The following PARD3 variants were observed in gnomAD, a reference collection of about 807,000 sequenced individuals.
The protein encoded by PARD3 is par-3 family cell polarity regulator, also known as partitioning defective 3 homolog.
Under a neutral mutation model 155.4 loss-of-function variants are expected in PARD3, and 75 were observed. That is an observed-to-expected ratio of 0.48 (90% CI 0.40 to 0.58). PARD3 has a LOEUF of 0.58. Ranked by LOEUF, PARD3 falls within the 20% of genes least tolerant of loss-of-function variation. PARD3 has a pLI of 0.00. For missense variants in PARD3, 1,642 were observed against 1,721.7 expected (o/e 0.95, Z 0.82); for synonymous variants, 576 against 610.5 (o/e 0.94, Z 0.83).
At chr10:34,556,453 G>A (rs142654406) in intron 2 of PARD3, among the ~76,000 whole-genome samples, 90 of 149,160 alleles carry the variant, frequency 6.0e-4, no homozygotes, top group African/African-American at 2.1e-3. Context: ...CGAGATCTCC[G>A]CTCACTGCAA....
chr10:34,572,640 C>CAAA (rs1197487501), intron 2 of PARD3, among the ~76,000 whole-genome samples: 1 of 69,638 alleles, frequency 1.4e-5, no homozygotes, highest in Non-Finnish European at 3.0e-5. Context: ...GACTCTGTCT[C>CAAA]AAAAAAAAAA....
chr10:34,568,590 G>A (rs938645528), intron 2 of PARD3, among the ~76,000 whole-genome samples: 1 of 152,190 alleles, frequency 6.6e-6, no homozygotes, highest in African/African-American at 2.4e-5. Flanking sequence ...ACAAAATTCT[G>A]AGTCTTAAGA....
At chr10:34,698,730 A>G (rs983717594) in intron 1 of PARD3, among the ~76,000 whole-genome samples, 1 of 152,168 alleles carries the variant, frequency 6.6e-6, no homozygotes, top group Non-Finnish European at 1.5e-5. Context: ...ATGTTCCTAA[A>G]AACCACAATC....
chr10:34,682,690 C>G lies in PARD3; in HGVS notation c.222+13628G>C, dbSNP rs1475705375. Among the ~76,000 whole-genome samples the G allele has an allele frequency of 2.0e-5, 3 of 152,158 alleles. No individual in the cohort carries two copies. In the East Asian group the frequency reaches 5.8e-4, roughly 30 times the overall value. On this transcript the variant is annotated intron_variant, in intron 2 of 24. Transcript: ENST00000374788. ...TGAGCTAGGATCACGTCACTGCACT[C>G]CAGCCTGGGTGACAGACCAAGACCC...
chr10:34,555,379 T>C (rs1462312220), intron 2 of PARD3, among the ~76,000 whole-genome samples: 1 of 152,220 alleles, frequency 6.6e-6, no homozygotes, highest in East Asian at 1.9e-4. Context: ...AATCACTTTT[T>C]ACTTGAAAAT....
At chr10:34,738,001 G>A (rs538427659) in intron 1 of PARD3, among the ~76,000 whole-genome samples, 43 of 152,292 alleles carry the variant, frequency 2.8e-4, no homozygotes, top group Admixed American at 1.2e-3. Flanking sequence ...AGATGGGGGC[G>A]TCTTGCTGAA....
intron 20 of PARD3, among the ~76,000 whole-genome samples, chr10:34,308,014 T>A (rs994360193): frequency 1.3e-5 from 2 of 152,066 alleles, no homozygotes; most frequent in Non-Finnish European, 2.9e-5. Flanking sequence ...TGAATAAAGA[T>A]GTTAAAGGTA....
chr10:34,394,319 C>A (rs1212917285), intron 7 of PARD3, among the ~76,000 whole-genome samples: 2 of 152,122 alleles, frequency 1.3e-5, no homozygotes, highest in Non-Finnish European at 2.9e-5. Context: ...AGCCACCATG[C>A]CCGGCCTTAT....
chr10:34,151,903 T>C (rs2132966812), intron 22 of PARD3, among the ~76,000 whole-genome samples: 1 of 152,336 alleles, frequency 6.6e-6, no homozygotes, highest in Middle Eastern at 3.4e-3. Context: ...GCTTTAAATA[T>C]ATTCTGTTAC....
At chr10:34,315,221 G>C (rs1189584172) in intron 20 of PARD3, among the ~76,000 whole-genome samples, 1 of 152,168 alleles carries the variant, frequency 6.6e-6, no homozygotes, top group Non-Finnish European at 1.5e-5. Context: ...AAAAAAGAGA[G>C]TTGTGTGGTG....
At chr10:34,540,167 T>C (rs1260518571) in intron 2 of PARD3, among the ~76,000 whole-genome samples, 6 of 152,048 alleles carry the variant, frequency 3.9e-5, no homozygotes, top group Admixed American at 3.3e-4. Flanking sequence ...GACATTCAAT[T>C]ACAGGTTATG....
chr10:34,605,933 ATATATATATATCTCC>A (rs2090352872), intron 2 of PARD3, among the ~76,000 whole-genome samples: 4 of 61,252 alleles, frequency 6.5e-5, no homozygotes, highest in African/African-American at 3.1e-4. Flanking sequence ...TATATCTCCT[ATATATATATATCTCC>A]TATATATATA....
At chr10:34,229,856 T>C (rs187957823) in intron 22 of PARD3, among the ~76,000 whole-genome samples, 2 of 152,118 alleles carry the variant, frequency 1.3e-5, no homozygotes, top group Non-Finnish European at 2.9e-5. Context: ...CAAAGAAACA[T>C]GTCTTTCATT....
At chr10:34,401,766 G>A (rs1843907675) in intron 6 of PARD3, 60 bp downstream of exon 6, 4 of 1,024,230 alleles carry the variant, frequency 3.9e-6, no homozygotes, top group Non-Finnish European at 6.2e-6. Context: ...CAGAATACTT[G>A]CTGCAATTAA....
At chr10:34,694,378 G>A (rs1235699311) in intron 2 of PARD3, among the ~76,000 whole-genome samples, 1 of 151,052 alleles carries the variant, frequency 6.6e-6, no homozygotes, top group Non-Finnish European at 1.5e-5. Context: ...GGATTTCAGA[G>A]TTACCCTAAG....
chr10:34,597,922 C>A (rs1203732790), intron 2 of PARD3, among the ~76,000 whole-genome samples: 1 of 152,152 alleles, frequency 6.6e-6, no homozygotes, highest in East Asian at 1.9e-4. Context: ...CACTGGGTGT[C>A]AATTACTATT....
chr10:34,134,024 T>C (rs1442830354), intron 22 of PARD3, among the ~76,000 whole-genome samples: 1 of 152,218 alleles, frequency 6.6e-6, no homozygotes, highest in Non-Finnish European at 1.5e-5. Flanking sequence ...GTCTGTAAAT[T>C]GGGCTGCTTG....
At position 34,413,237 on chromosome 10, in the gene PARD3, C is replaced by T. The variant is rs539320482; in HGVS notation, c.715-11320G>A. On this transcript the variant is annotated intron_variant, in intron 5 of 24. Coordinates refer to ENST00000374788, the MANE Select transcript of PARD3 (RefSeq NM_001184785.2). ...CTAAAGTCAATTTTAAAAAATAGGACGGTAGGTATATTTTTAAAAACCATA... is the reference window on the plus strand; with the variant it reads ...CTAAAGTCAATTTTAAAAAATAGGATGGTAGGTATATTTTTAAAAACCATA... 1.6e-4 allele frequency among the ~76,000 whole-genome samples: 24 copies of T among 151,328 alleles called. 1 individual carries two copies. The highest frequency in any genetic ancestry group is 5.3e-4 in the Admixed American group (8 of 15,192).
At chr10:34,795,491 T>C (rs1040971630) in intron 1 of PARD3, among the ~76,000 whole-genome samples, 7 of 152,044 alleles carry the variant, frequency 4.6e-5, no homozygotes, top group Non-Finnish European at 1.0e-4. Context: ...GCATCTGTAG[T>C]CCCTGCTACT....
Sources: gnomAD v4.1 joint callset for allele counts (sites outside exome capture counted in the v4.1 genomes callset) on GRCh38, gnomAD v4.1.1 for gene constraint, MANE v1.5 for transcripts, NCBI Gene and HGNC (gene_info 2026-07-23, HGNC 2026-07-21) for gene names.